The following INPP4A variants were observed in gnomAD, a reference collection of about 807,000 sequenced individuals.
INPP4A encodes the protein inositol polyphosphate-4-phosphatase, type I, 107kD.
In INPP4A, 33 loss-of-function variants were observed where a neutral mutation model predicts 119.8. That is an observed-to-expected ratio of 0.28 (90% CI 0.21 to 0.37). The LOEUF is 0.37. Among genes scored for constraint, INPP4A ranks in the 10% least tolerant of loss-of-function variants. The pLI is 1.00. For synonymous variants in INPP4A, 496 were observed against 500.7 expected, an observed-to-expected ratio of 0.99 and a Z score of 0.12; for missense variants, 956 against 1,289.9, an observed-to-expected ratio of 0.74 and a Z score of 3.97.
rs1461346283 is a variant in INPP4A at position 98,565,717 on chromosome 2, G to A, written c.2230G>A (p.Ala744Thr). The A allele has an allele frequency of 6.2e-7, 1 of 1,613,446 alleles. No individual in the cohort carries two copies. Among genetic ancestry groups the A allele is most frequent in the East Asian group, 2.2e-5 (1 of 44,872 alleles). ...LRNVTFKVTQ[A>T]TSSASADMLP... ...GAACGTGACCTTCAAAGTCACTCAG[G>A]CCACTTCCAGCGCCTCCGCAGACAT... is the stretch of plus-strand genomic sequence containing the variant. The change falls in exon 20 of 25, where the codon GCC (alanine) becomes ACC (threonine). Residue 744 changes from alanine (A) to threonine (T), a missense_variant. Coordinates refer to ENST00000409851, the MANE Select transcript of INPP4A (RefSeq NM_001134225.2).
At chr2:98,538,655 A>C (rs1690782512) in intron 8 of INPP4A, among the ~76,000 whole-genome samples, 1 of 152,244 alleles carries the variant, frequency 6.6e-6, no homozygotes, top group African/African-American at 2.4e-5. Context: ...ACTGACACAC[A>C]AGGTGAAGTG....
chr2:98,515,587 A>G (rs1394154596), intron 1 of INPP4A, among the ~76,000 whole-genome samples: 1 of 152,204 alleles, frequency 6.6e-6, no homozygotes, highest in Non-Finnish European at 1.5e-5. Flanking sequence ...CCGTGACCTC[A>G]TCCGTGCAAC....
At chr2:98,485,712 G>T (rs1282293352) in intron 1 of INPP4A, among the ~76,000 whole-genome samples, 1 of 152,192 alleles carries the variant, frequency 6.6e-6, no homozygotes, top group Non-Finnish European at 1.5e-5. Context: ...AATGAGATGT[G>T]TGGGAACTTT....
At chr2:98,512,222 A>G (rs1289405630) in intron 1 of INPP4A, among the ~76,000 whole-genome samples, 1 of 152,194 alleles carries the variant, frequency 6.6e-6, no homozygotes, top group African/African-American at 2.4e-5. Flanking sequence ...TGGTGAGACC[A>G]GTGTTATTTC....
At chr2:98,526,065 CAGT>C (rs2105820979) in intron 4 of INPP4A, among the ~76,000 whole-genome samples, 1 of 152,194 alleles carries the variant, frequency 6.6e-6, no homozygotes, top group African/African-American at 2.4e-5. Context: ...TGTCTATTAA[CAGT>C]AGAATAAATA....
Position 98,526,535 on chromosome 2 carries a change from C to G in INPP4A, c.151+5804C>G, listed in dbSNP as rs571994397. 3.9e-5 allele frequency among the ~76,000 whole-genome samples: 6 copies of G among 152,260 alleles called. No homozygotes were observed. In the East Asian group the frequency reaches 9.7e-4, roughly 25 times the overall value. ...CAGAGTGAAGACTTCCAAAAATCTTCTTTTCTATAAAGGCAATGAGTATAC... is the reference window on the plus strand; with the variant it reads ...CAGAGTGAAGACTTCCAAAAATCTTGTTTTCTATAAAGGCAATGAGTATAC... On this transcript the variant is annotated intron_variant, in intron 4 of 24. Transcript: ENST00000409851.
intron 1 of INPP4A, among the ~76,000 whole-genome samples, chr2:98,457,556 T>C (rs1362634077): frequency 6.6e-6 from 1 of 152,238 alleles, no homozygotes; most frequent in Non-Finnish European, 1.5e-5. Flanking sequence ...GTGTTTGTCA[T>C]GGGAACTAGC....
chr2:98,582,720 C>G (rs1699493781), intron 24 of INPP4A, among the ~76,000 whole-genome samples: 1 of 150,866 alleles, frequency 6.6e-6, no homozygotes, highest in Admixed American at 6.6e-5. Context: ...CTGCATACAC[C>G]AGACAGAAAG....
chr2:98,581,524 C>G, intron 24 of INPP4A: 1 of 1,458,314 alleles, frequency 6.9e-7, no homozygotes, highest in Non-Finnish European at 9.0e-7. Context: ...TCTTTATTTT[C>G]TTTCCTTTCC....
At chr2:98,447,406 A>G (rs1694373046) in intron 1 of INPP4A, among the ~76,000 whole-genome samples, 1 of 152,186 alleles carries the variant, frequency 6.6e-6, no homozygotes, top group African/African-American at 2.4e-5. Flanking sequence ...CTGTGAGGAA[A>G]ACATATTTTG....
Position 98,481,046 on chromosome 2 carries a change from G to T in INPP4A, c.-166+35961G>T, listed in dbSNP as rs577647978. On this transcript the variant is annotated intron_variant, in intron 1 of 24. Transcript: ENST00000409851. ...CAAAGAGAGCAAAGCAGCACCTGGG[G>T]ACTGACCTTGAGTTACACAGGTGTG... Among the ~76,000 whole-genome samples the T allele has an allele frequency of 4.3e-4, 65 of 152,324 alleles. 2 individuals are homozygous for T. The South Asian group carries it at 0.013, about 31-fold the overall frequency.
chr2:98,448,199 T>C (rs1694575755), intron 1 of INPP4A, among the ~76,000 whole-genome samples: 1 of 150,844 alleles, frequency 6.6e-6, no homozygotes, highest in Non-Finnish European at 1.5e-5. Flanking sequence ...CTACTAAAAA[T>C]ACAAAAATTA....
intron 4 of INPP4A, among the ~76,000 whole-genome samples, chr2:98,523,647 G>C (rs1275090759): frequency 6.6e-6 from 1 of 152,184 alleles, no homozygotes; most frequent in Non-Finnish European, 1.5e-5. Flanking sequence ...GCCCGCCTCG[G>C]CCTCCCAAAG....
chr2:98,459,661 G>T (rs997873931), intron 1 of INPP4A, among the ~76,000 whole-genome samples: 4 of 152,224 alleles, frequency 2.6e-5, no homozygotes, highest in Admixed American at 1.3e-4. Flanking sequence ...GCTGTCATAA[G>T]ACTTAAGCAT....
At chr2:98,448,793 C>G (rs1694726998) in intron 1 of INPP4A, among the ~76,000 whole-genome samples, 1 of 151,522 alleles carries the variant, frequency 6.6e-6, no homozygotes, top group African/African-American at 2.4e-5. Context: ...CAGCTTGGAC[C>G]TACTCCACTC....
At chr2:98,522,396 A>G (rs1342125252) in intron 4 of INPP4A, among the ~76,000 whole-genome samples, 1 of 152,048 alleles carries the variant, frequency 6.6e-6, no homozygotes, top group Non-Finnish European at 1.5e-5. Context: ...GAACAATTGA[A>G]GAACAAGAAC....
chr2:98,534,008 A>C (rs1689735529), intron 5 of INPP4A, among the ~76,000 whole-genome samples: 1 of 152,248 alleles, frequency 6.6e-6, no homozygotes, highest in Non-Finnish European at 1.5e-5. Flanking sequence ...TTAGATCATC[A>C]AGCACATTAC....
chr2:98,576,981 G>T lies in INPP4A; in HGVS notation c.2632-8G>T. 6.2e-7 allele frequency: 1 copy of T among 1,609,434 alleles called. No individual in the cohort carries two copies. The highest frequency in any genetic ancestry group is 8.5e-7 in the Non-Finnish European group (1 of 1,176,510). On this transcript the variant is annotated splice_region_variant and splice_polypyrimidine_tract_variant and intron_variant, in intron 23 of 24. Coordinates refer to ENST00000409851, the MANE Select transcript of INPP4A (RefSeq NM_001134225.2). ...GCCTCTAAGCACGGCCCATGTTTCT[G>T]TTGGCAGATCTGCCGCCGCCTTAAT...
At chr2:98,473,848 G>A (rs901968668) in intron 1 of INPP4A, among the ~76,000 whole-genome samples, 1 of 152,106 alleles carries the variant, frequency 6.6e-6, no homozygotes, top group Non-Finnish European at 1.5e-5. Context: ...ATTTACTGTG[G>A]GACATTTTCA....
Sources: allele counts gnomAD v4.1 joint callset (sites outside exome capture counted in the v4.1 genomes callset), GRCh38; gene constraint gnomAD v4.1.1; transcripts MANE v1.5; gene names NCBI Gene and HGNC (gene_info 2026-07-23, HGNC 2026-07-21).